Variants in HTATSF1 observed in about 807,000 individuals in gnomAD.
HTATSF1 encodes the protein HIV-1 Tat specific factor 1, also known as 17S U2 SnRNP complex component HTATSF1.
HTATSF1 carries 6 observed loss-of-function variants against 46.1 expected under a neutral mutation model. That is an observed-to-expected ratio of 0.13 (90% confidence interval 0.07 to 0.26). The LOEUF is 0.26. Ranked by LOEUF, HTATSF1 falls within the 10% of genes least tolerant of loss-of-function variation. The pLI is 1.00. For missense variants in HTATSF1, 452 were observed against 559.9 expected (o/e 0.81, Z 1.94); for synonymous variants, 226 against 211.5 (o/e 1.07, Z -0.60).
At chrX:136,497,572 G>A (rs1482444267), upstream of HTATSF1, 1 of 601,645 alleles carries the variant, frequency 1.7e-6, no homozygotes, top group Non-Finnish European at 2.4e-6. Flanking sequence ...AGGCGGGCCG[G>A]GGGGCGGCGG....
rs1211864043 is a variant in HTATSF1, at chrX:136,503,610, A to G, written c.734+669A>G. 4.5e-5 allele frequency among the ~76,000 whole-genome samples: 5 copies of G among 111,912 alleles called. No homozygotes were observed. In the Admixed American group the frequency reaches 4.7e-4, roughly 11 times the overall value. ...TTTTTAAACAATATCAGTAAAATTT[A>G]TGATTGTAACAGAGTTGAGTAGTTT... On this transcript the variant is annotated intron_variant, in intron 5 of 8. Transcript: ENST00000218364.
Position 136,510,102 on chromosome X carries a change from C to G in HTATSF1, c.945C>G (p.Ala315=). 1.7e-6 allele frequency: 2 copies of G among 1,204,328 alleles called. No individual in the cohort carries two copies. Among genetic ancestry groups the G allele is most frequent in the Non-Finnish European group, 2.2e-6 (2 of 890,982 alleles). Residue 315 remains alanine (A), a synonymous_variant, in exon 8 of 9, where the codon GCC becomes GCG. Coordinates refer to ENST00000218364, the MANE Select transcript of HTATSF1 (RefSeq NM_014500.5). ...TCTAGAGGCACCCAGATGGTGTGGC[C>G]TCTGTGTCCTTTCGGGATCCAGAGG... ...LLFDRHPDGV[A]SVSFRDPEEA... is the part of the protein sequence containing the mutation.
intron 8 of HTATSF1, 152 bp from the exon 9 acceptor site, chrX:136,510,656 G>A: frequency 3.2e-6 from 2 of 630,548 alleles, no homozygotes; most frequent in Non-Finnish European, 4.6e-6. Flanking sequence ...AAATCAAGAT[G>A]TAAAGTTTTG....
intron 5 of HTATSF1, among the ~76,000 whole-genome samples, chrX:136,504,071 A>G (rs1472910164): frequency 1.8e-5 from 2 of 110,805 alleles, no homozygotes; most frequent in African/African-American, 6.6e-5. Context: ...GGGTTTCACC[A>G]TGTTGGCCAG....
chrX:136,497,514 G>A (rs1160296806), upstream of HTATSF1: 32 of 297,221 alleles, frequency 1.1e-4, no homozygotes, highest in African/African-American at 8.1e-4. Context: ...GGGCGGTGCA[G>A]CCGCCGAGCG....
At position 136,511,795 on chromosome X, in the gene HTATSF1, G is replaced by A. The variant is rs1393125618; in HGVS notation, c.2050G>A (p.Ala684Thr). The part of the protein sequence containing the change: ...EESDDKEDED[A>T]DGKEVEDADE... The stretch of plus-strand genomic sequence containing the variant: ...GTCAGATGACAAGGAAGATGAAGAT[G>A]CAGATGGAAAGGAAGTTGAAGATGC... The change falls in exon 9 of 9, where the codon GCA becomes ACA. Residue 684 changes from alanine (A) to threonine (T), a missense_variant. Physicochemically the swap from Ala to Thr is moderately conservative, Grantham distance 58 (BLOSUM62 0). Coordinates refer to ENST00000218364, the MANE Select transcript of HTATSF1 (RefSeq NM_014500.5). 8.3e-7 allele frequency: 1 copy of A among 1,211,746 alleles called. No homozygotes were observed.
intron 1 of HTATSF1, among the ~76,000 whole-genome samples, chrX:136,498,773 G>A (rs1465383254): frequency 8.9e-6 from 1 of 112,641 alleles, no homozygotes; most frequent in Non-Finnish European, 1.9e-5. Flanking sequence ...GGTTTCTTCA[G>A]CATTCTGAAT....
At chrX:136,497,579 G>C (rs1318214302), upstream of HTATSF1, 1 of 659,058 alleles carries the variant, frequency 1.5e-6, no homozygotes, top group East Asian at 3.9e-5. Context: ...CCGGGGGGCG[G>C]CGGGGCGCGA....
chrX:136,511,094 A>G lies in HTATSF1; in HGVS notation c.1349A>G (p.Lys450Arg). ...FEEGASENNA[K>R]ESSPEKEAEE... ...GAAGGTGCTTCTGAAAACAATGCTA[A>G]GGAAAGTAGCCCCGAAAAAGAGGCT... is the stretch of plus-strand genomic sequence containing the variant. The change falls in exon 9 of 9, where the codon AAG becomes AGG. Residue 450 changes from lysine (K) to arginine (R), a missense_variant. Lys to Arg is a conservative substitution (Grantham distance 26). This residue lies in a region of HTATSF1 where 246 missense variants were observed against 245.3 expected (regional missense o/e 1.00). Transcript: ENST00000218364. The G allele has an allele frequency of 8.3e-7, 1 of 1,211,617 alleles. No individual in the cohort carries two copies. The highest frequency in any genetic ancestry group is 1.1e-6 in the Non-Finnish European group (1 of 895,437).
At chrX:136,500,077 G>A in intron 2 of HTATSF1, 81 bp from the exon 3 acceptor site, 1 of 676,854 alleles carries the variant, frequency 1.5e-6, no homozygotes, top group Non-Finnish European at 2.4e-6. Context: ...TCAAGAAACT[G>A]CTGCTTTGTC....
At chrX:136,504,954 T>G (rs370457495) in intron 6 of HTATSF1, among the ~76,000 whole-genome samples, 3 of 112,111 alleles carry the variant, frequency 2.7e-5, no homozygotes, top group Non-Finnish European at 5.6e-5. Flanking sequence ...CTTTTTTAAG[T>G]GATTTTAAAA....
intron 6 of HTATSF1, among the ~76,000 whole-genome samples, chrX:136,508,238 T>G (rs2148522717): frequency 8.9e-6 from 1 of 112,521 alleles, no homozygotes; most frequent in Non-Finnish European, 1.9e-5. Context: ...CTAGAAAGTA[T>G]AAGTCACCTT....
chrX:136,508,359 A>T (rs765504308), intron 6 of HTATSF1, among the ~76,000 whole-genome samples: 1 of 112,214 alleles, frequency 8.9e-6, no homozygotes, highest in East Asian at 2.8e-4. Flanking sequence ...ACTTGGAGAG[A>T]GATTTGTTAA....
upstream of HTATSF1, chrX:136,497,343 C>A: frequency 8.6e-6 from 1 of 115,735 alleles, no homozygotes; most frequent in South Asian, 2.8e-4. Flanking sequence ...CAGATCCGGT[C>A]GGCGGCGGCG....
chrX:136,499,630 C>T lies in HTATSF1; in HGVS notation c.219C>T (p.Ala73=). ...AAGATTTCATTGCTACATATCAGGCCAATTATGGCTTCTCTAACGATGGCG... is the reference window on the plus strand; with the variant it reads ...AAGATTTCATTGCTACATATCAGGCTAATTATGGCTTCTCTAACGATGGCG... ...ITEDFIATYQ[A]NYGFSNDGAS... is the part of the protein sequence containing the mutation. The change falls in exon 2 of 9, where the codon GCC becomes GCT. Residue 73 remains alanine, a synonymous_variant. Coordinates refer to ENST00000218364, the MANE Select transcript of HTATSF1 (RefSeq NM_014500.5). 8.4e-7 allele frequency: 1 copy of T among 1,193,293 alleles called. No homozygotes were observed. The highest frequency in any genetic ancestry group is 1.1e-6 in the Non-Finnish European group (1 of 888,444).
intron 5 of HTATSF1, among the ~76,000 whole-genome samples, chrX:136,503,267 T>C (rs3027843): frequency 0.011 from 1,255 of 112,135 alleles, 17 homozygotes; most frequent in African/African-American, 0.036. Flanking sequence ...TGGATTGAAA[T>C]CAGTGGTACC....
At chrX:136,497,574 G>A (rs1603305762), upstream of HTATSF1, 6 of 613,166 alleles carry the variant, frequency 9.8e-6, no homozygotes, top group Non-Finnish European at 1.2e-5. Flanking sequence ...GCGGGCCGGG[G>A]GGCGGCGGGG....
chrX:136,511,614 T>C lies in HTATSF1; in HGVS notation c.1869T>C (p.Asp623=). 1 of 1,209,025 alleles carries C rather than the reference T, an allele frequency of 8.3e-7. No homozygotes were observed. Among genetic ancestry groups the C allele is most frequent in the Non-Finnish European group, 1.1e-6 (1 of 894,771 alleles). Residue 623 remains aspartate (D), a synonymous_variant, in exon 9 of 9, where the codon GAT becomes GAC. Transcript: ENST00000218364. The stretch of plus-strand genomic sequence containing the variant: ...GCTCTGAGAGAGAGTTTGACGAAGA[T>C]TCAGATGAAAAGGAAGAAGAGGAGG... ...EEGSEREFDE[D]SDEKEEEEDT...
At chrX:136,504,188 A>G (rs1435128835) in intron 5 of HTATSF1, among the ~76,000 whole-genome samples, 176 bp from the exon 6 acceptor site, 2 of 112,335 alleles carry the variant, frequency 1.8e-5, no homozygotes, top group Non-Finnish European at 3.8e-5. Flanking sequence ...CATTATTTTT[A>G]TTTCAGAAAG....
Sources: allele counts gnomAD v4.1 joint callset (sites outside exome capture counted in the v4.1 genomes callset), GRCh38; gene constraint gnomAD v4.1.1; regional missense constraint gnomAD v4.1.1; transcripts MANE v1.5; gene names NCBI Gene and HGNC (gene_info 2026-07-23, HGNC 2026-07-21).